Variants in DPYSL3 observed in about 807,000 individuals in gnomAD.
DPYSL3 encodes the protein dihydropyrimidinase like 3, also known as dihydropyrimidinase-related protein 3.
Under a neutral mutation model 66.1 loss-of-function variants are expected in DPYSL3, and 16 were observed. The ratio of observed to expected loss-of-function variants is 0.24; its 90% CI spans 0.16 to 0.37. The LOEUF (loss-of-function observed/expected upper bound fraction) is 0.37, where lower values mean the gene tolerates loss of function less well. Among genes scored for constraint, DPYSL3 ranks in the 10% least tolerant of loss-of-function variants. The pLI, the probability that DPYSL3 is intolerant of heterozygous loss-of-function variation, is 1.00. For missense variants in DPYSL3, 738 were observed against 916.2 expected, an observed-to-expected ratio of 0.81 and a Z score of 2.51; for synonymous variants, 338 against 345.1, an observed-to-expected ratio of 0.98 and a Z score of 0.23.
At position 147,408,736 on chromosome 5, in the gene DPYSL3, G is replaced by T; in HGVS notation, c.1024C>A (p.Pro342Thr). 6.2e-7 allele frequency: 1 copy of T among 1,614,106 alleles called. No homozygotes were observed. The highest frequency in any genetic ancestry group is 8.5e-7 in the Non-Finnish European group (1 of 1,180,008). ...TGPEGHVLSRPEELEAEAVFR... is the reference protein window; with the variant it reads ...TGPEGHVLSRTEELEAEAVFR... The stretch of plus-strand genomic sequence containing the variant: ...CATCCCCTGTAACTTACCTCTTCTG[G>T]CCTGCTCAGTACATGGCCTTCTGGG... Residue 342 changes from proline (P) to threonine (T), a missense_variant, in exon 7 of 14, where the codon CCA (proline) becomes ACA (threonine). Transcript: ENST00000343218.
chr5:147,452,795 A>G (rs1581202373), intron 1 of DPYSL3, among the ~76,000 whole-genome samples: 1 of 152,040 alleles, frequency 6.6e-6, no homozygotes, highest in Non-Finnish European at 1.5e-5. Flanking sequence ...TGCGCCCGCG[A>G]CAGTAAACTA....
At chr5:147,453,094 G>C (rs1267354738) in intron 1 of DPYSL3, among the ~76,000 whole-genome samples, 1 of 152,162 alleles carries the variant, frequency 6.6e-6, no homozygotes, top group Non-Finnish European at 1.5e-5. Flanking sequence ...TGGGGCTGGA[G>C]CTGGGAGAGG....
chr5:147,423,856 G>C (rs1172960975), intron 2 of DPYSL3, among the ~76,000 whole-genome samples: 1 of 152,080 alleles, frequency 6.6e-6, no homozygotes, highest in Non-Finnish European at 1.5e-5. Flanking sequence ...GAGTAGCTGG[G>C]ACTGCAGGCA....
intron 1 of DPYSL3, among the ~76,000 whole-genome samples, chr5:147,448,855 C>T (rs1752675902): frequency 6.6e-6 from 1 of 152,198 alleles, no homozygotes; most frequent in Non-Finnish European, 1.5e-5. Flanking sequence ...CACATACCTG[C>T]TCAAAATTTA....
chr5:147,491,720 A>G (rs1753417768), intron 1 of DPYSL3, among the ~76,000 whole-genome samples: 1 of 152,102 alleles, frequency 6.6e-6, no homozygotes, highest in African/African-American at 2.4e-5. Flanking sequence ...AGGATACGAC[A>G]ATAGAAACTG....
At chr5:147,475,359 T>C (rs894109723) in intron 1 of DPYSL3, among the ~76,000 whole-genome samples, 1 of 152,126 alleles carries the variant, frequency 6.6e-6, no homozygotes, top group African/African-American at 2.4e-5. Context: ...CTCTGAACTA[T>C]TTTTGTTATT....
At chr5:147,435,453 T>C (rs184819278) in intron 1 of DPYSL3, among the ~76,000 whole-genome samples, 35 of 152,248 alleles carry the variant, frequency 2.3e-4, no homozygotes, top group Middle Eastern at 6.8e-3. Context: ...CAACCAATCA[T>C]TGGGAGAACC....
rs1182895058 is a variant in DPYSL3 at position 147,452,898 on chromosome 5, C to CACAT, written c.382-27936_382-27935insATGT. Among the ~76,000 whole-genome samples the CACAT allele has an allele frequency of 4.6e-4, 68 of 148,336 alleles. 1 individual carries two copies. Among genetic ancestry groups the CACAT allele is most frequent in the Non-Finnish European group, 8.6e-4 (57 of 66,066 alleles). On this transcript the variant is annotated intron_variant, in intron 1 of 13. Transcript: ENST00000343218. ...CATCGAAGGCACACACACACACACA[C>CACAT]ACACACACACACACACACACACACA...
At chr5:147,495,605 C>T (rs1292572714) in intron 1 of DPYSL3, among the ~76,000 whole-genome samples, 1 of 152,072 alleles carries the variant, frequency 6.6e-6, no homozygotes, top group Admixed American at 6.6e-5. Flanking sequence ...ACACCAATAA[C>T]AGACAAACAG....
rs1228696631 is a variant in DPYSL3, at chr5:147,412,672, G to A, written c.899C>T (p.Thr300Ile). 1 of 1,612,070 alleles carries A rather than the reference G, an allele frequency of 6.2e-7. No individual in the cohort carries two copies. The highest frequency in any genetic ancestry group is 1.1e-5 in the South Asian group (1 of 90,472). The change falls in exon 6 of 14, where the codon ACC becomes ATC. Residue 300 changes from threonine (T) to isoleucine (I), a missense_variant. Thr to Ile is a moderately conservative substitution (Grantham distance 89, BLOSUM62 -1). Coordinates refer to ENST00000343218, the MANE Select transcript of DPYSL3 (RefSeq NM_001197294.2). ...VSNTELYEIF[T>I]CLGELGAIAQ... ...AATGGCCCCCAGCTCTCCCAGGCAG[G>A]TGAAGATCTCATAGAGCTGAAATAG...
At chr5:147,429,682 T>G (rs891726011) in intron 1 of DPYSL3, among the ~76,000 whole-genome samples, 1 of 152,120 alleles carries the variant, frequency 6.6e-6, no homozygotes, top group Non-Finnish European at 1.5e-5. Context: ...TAGTTCCAAT[T>G]TGAAGTAAAC....
intron 1 of DPYSL3, among the ~76,000 whole-genome samples, chr5:147,441,225 G>T (rs1436379516): frequency 6.6e-6 from 1 of 152,152 alleles, no homozygotes; most frequent in Non-Finnish European, 1.5e-5. Flanking sequence ...CAGGCTGATG[G>T]TTTTAACAAC....
intron 1 of DPYSL3, among the ~76,000 whole-genome samples, chr5:147,448,614 T>G (rs1299274886): frequency 6.6e-6 from 1 of 152,218 alleles, no homozygotes; most frequent in Non-Finnish European, 1.5e-5. Context: ...ACCACTTTCA[T>G]GGCCACTATT....
At chr5:147,495,870 A>C (rs922976095) in intron 1 of DPYSL3, among the ~76,000 whole-genome samples, 3 of 152,342 alleles carry the variant, frequency 2.0e-5, no homozygotes, top group South Asian at 4.1e-4. Context: ...GCTATCAATG[A>C]CTTTCTTCAC....
At chr5:147,492,205 G>A (rs991974748) in intron 1 of DPYSL3, among the ~76,000 whole-genome samples, 1 of 151,934 alleles carries the variant, frequency 6.6e-6, no homozygotes, top group African/African-American at 2.4e-5. Flanking sequence ...CAAAAATGAA[G>A]AAGATATATT....
rs1471933416 is a variant in DPYSL3 at position 147,392,204 on chromosome 5, C to G, written c.*1831G>C. On this transcript the variant is annotated 3_prime_UTR_variant, in exon 14 of 14. Coordinates refer to ENST00000343218, the MANE Select transcript of DPYSL3 (RefSeq NM_001197294.2). ...AGTGTAAACTAAGAGCTACATTTTCCCTTTTACTACATCTCCCTTAAAAGA... is the reference window on the plus strand; with the variant it reads ...AGTGTAAACTAAGAGCTACATTTTCGCTTTTACTACATCTCCCTTAAAAGA... The G allele has an allele frequency of 6.6e-6, 1 of 152,172 alleles. No individual in the cohort carries two copies. Among genetic ancestry groups the G allele is most frequent in the South Asian group, 2.1e-4 (1 of 4,830 alleles). The allele number at this position is 152,172 out of a possible 1,614,324, so 9.4% of individuals were successfully genotyped here. A position where few individuals can be genotyped will look rare whatever the true frequency, so the allele number is the denominator to read the frequency against.
chr5:147,496,096 A>T (rs1361895561), intron 1 of DPYSL3, among the ~76,000 whole-genome samples: 1 of 152,136 alleles, frequency 6.6e-6, no homozygotes, highest in Non-Finnish European at 1.5e-5. Context: ...ATAATGCCAC[A>T]TATCTACAAC....
chr5:147,481,882 G>A (rs1490678704), intron 1 of DPYSL3, among the ~76,000 whole-genome samples: 1 of 152,156 alleles, frequency 6.6e-6, no homozygotes, highest in South Asian at 2.1e-4. Flanking sequence ...CCAGTCTCAG[G>A]TATTCTGTTA....
At chr5:147,396,150 G>C (rs10042993) in intron 12 of DPYSL3, among the ~76,000 whole-genome samples, 2 of 151,882 alleles carry the variant, frequency 1.3e-5, no homozygotes. Context: ...GTCATGACAC[G>C]AGGTCGCAGG....
Sources: allele counts gnomAD v4.1 joint callset (sites outside exome capture counted in the v4.1 genomes callset), GRCh38; gene constraint gnomAD v4.1.1; transcripts MANE v1.5; gene names NCBI Gene and HGNC (gene_info 2026-07-23, HGNC 2026-07-21).